Variants in ASB2 observed in about 807,000 individuals in gnomAD.
The protein encoded by ASB2 is ankyrin repeat and SOCS box containing 2.
A neutral mutation model predicts 62.4 loss-of-function variants in ASB2; 58 were observed. That is an observed-to-expected ratio of 0.93 (90% CI 0.75 to 1.16). The LOEUF (loss-of-function observed/expected upper bound fraction) is 1.16. ASB2 is among the 50% of genes most tolerant of loss of function. ASB2 has a pLI of 0.00. For synonymous variants in ASB2, 386 were observed against 385.3 expected, an observed-to-expected ratio of 1.00 and a Z score of -0.02; for missense variants, 928 against 887.9, an observed-to-expected ratio of 1.05 and a Z score of -0.57.
At chr14:93,942,117 C>T in intron 7 of ASB2, 1 of 453,526 alleles carries the variant, frequency 2.2e-6, no homozygotes, top group South Asian at 1.6e-5. Flanking sequence ...ACTCCTCTTC[C>T]CAGCCCATTT....
Position 93,964,403 on chromosome 14 carries a change from G to T in ASB2, c.137C>A (p.Pro46Gln). ...EQSLADKTRG[P>Q]TTAEATASAC... ...AGACGCGGTGGCCTCAGCAGTGGTTGGGCCCCTTGTCTTGTCCGCTAGGCT... is the reference window on the plus strand; with the variant it reads ...AGACGCGGTGGCCTCAGCAGTGGTTTGGCCCCTTGTCTTGTCCGCTAGGCT... The change falls in exon 2 of 10, where the codon CCA becomes CAA. Residue 46 changes from proline (P) to glutamine (Q), a missense_variant. Pro to Gln is a moderately conservative substitution (Grantham distance 76, BLOSUM62 -1). Coordinates refer to ENST00000555019, the MANE Select transcript of ASB2 (RefSeq NM_001202429.2). 1.3e-6 allele frequency: 2 copies of T among 1,536,078 alleles called. No individual in the cohort carries two copies. The highest frequency in any genetic ancestry group is 2.0e-5 in the Admixed American group (1 of 51,004).
Position 93,951,061 on chromosome 14 carries a change from G to C in ASB2, c.818C>G (p.Thr273Ser), listed in dbSNP as rs533914465. Residue 273 changes from threonine to serine, a missense_variant, in exon 6 of 10, where the codon ACC (threonine) becomes AGC (serine). Transcript: ENST00000555019. ...ACTCTGGGCGGCCACGAACAAGGGG[G>C]TGATGCCGTAGGCGTTCTTGGATTC... ...KVESKNAYGITPLFVAAQSGQ... is the reference protein window; with the variant it reads ...KVESKNAYGISPLFVAAQSGQ... 24 of 1,614,202 alleles carry C rather than the reference G, an allele frequency of 1.5e-5. No individual in the cohort carries two copies. The South Asian group carries it at 2.0e-4, about 13-fold the overall frequency.
Position 93,956,849 on chromosome 14 carries a change from ACT to A in ASB2, c.226_227del (p.Ser76PhefsTer42). ...PWTRSTAPPE[S>X]SPARAPMGLF... is the part of the protein sequence containing the mutation. ...AGCCCATTGGGGCCCGGGCCGGCGAACTCTCAGGAGGTGCAGTGGACCTGGAG... is the reference window on the plus strand; with the variant it reads ...AGCCCATTGGGGCCCGGGCCGGCGAACTCAGGAGGTGCAGTGGACCTGGAG... On this transcript the variant is annotated frameshift_variant, in exon 3 of 10. Coordinates refer to ENST00000555019, the MANE Select transcript of ASB2 (RefSeq NM_001202429.2). LOFTEE classifies it high-confidence loss of function. 6.2e-7 allele frequency: 1 copy of A among 1,614,172 alleles called. No individual in the cohort carries two copies. Among genetic ancestry groups the A allele is most frequent in the Non-Finnish European group, 8.5e-7 (1 of 1,180,024 alleles).
Position 93,939,407 on chromosome 14 carries a change from C to T in ASB2, c.1318G>A (p.Asp440Asn). Residue 440 changes from aspartate (D) to asparagine (N), a missense_variant, in exon 8 of 10, where the codon GAC becomes AAC. Physicochemically the swap from Asp to Asn is conservative, Grantham distance 23 (BLOSUM62 1). Coordinates refer to ENST00000555019, the MANE Select transcript of ASB2 (RefSeq NM_001202429.2). ...LLQHGADPNR[D>N]VISPLLVAIR... ...GCCACGAGCAAGGGGCTGATGACGTCGCGGTTGGGGTCGGCGCCGTGTTGC... is the reference window on the plus strand; with the variant it reads ...GCCACGAGCAAGGGGCTGATGACGTTGCGGTTGGGGTCGGCGCCGTGTTGC... The T allele has an allele frequency of 6.2e-7, 1 of 1,612,864 alleles. No homozygotes were observed. The highest frequency in any genetic ancestry group is 8.5e-7 in the Non-Finnish European group (1 of 1,179,844).
At chr14:93,951,378 C>CTTG in intron 5 of ASB2, 134 bp from the exon 6 acceptor site, 1 of 1,093,618 alleles carries the variant, frequency 9.1e-7, no homozygotes, top group Non-Finnish European at 1.3e-6. Context: ...AGTTCCAATC[C>CTTG]CTGCATTGAA....
At position 93,939,578 on chromosome 14, in the gene ASB2, C is replaced by A; in HGVS notation, c.1147G>T (p.Glu383Ter). The A allele has an allele frequency of 6.3e-7, 1 of 1,583,794 alleles. No homozygotes were observed. Among genetic ancestry groups the A allele is most frequent in the Non-Finnish European group, 8.6e-7 (1 of 1,169,340 alleles). ...LHLAAERNHD[E>*]VLEALLSARF... is the part of the protein sequence containing the mutation. ...GCGCTCAGCAGCGCCTCCAGCACCTCGTCGTGGTTGCGCTCGGCCGCCAGG... is the reference window on the plus strand; with the variant it reads ...GCGCTCAGCAGCGCCTCCAGCACCTAGTCGTGGTTGCGCTCGGCCGCCAGG... The change falls in exon 8 of 10, where the codon GAG becomes TAG. Residue 383 changes from glutamate (E) to a stop codon, truncating the protein, a stop_gained. Coordinates refer to ENST00000555019, the MANE Select transcript of ASB2 (RefSeq NM_001202429.2). LOFTEE classifies it high-confidence loss of function.
At chr14:93,960,160 G>A (rs1889358928) in intron 2 of ASB2, among the ~76,000 whole-genome samples, 1 of 152,148 alleles carries the variant, frequency 6.6e-6, no homozygotes, top group Non-Finnish European at 1.5e-5. Context: ...AGAGAACTGA[G>A]GCTCAAAGAG....
At chr14:93,964,024 A>T (rs1889495832) in intron 2 of ASB2, among the ~76,000 whole-genome samples, 1 of 152,156 alleles carries the variant, frequency 6.6e-6, no homozygotes, top group Non-Finnish European at 1.5e-5. Flanking sequence ...AGCATTATCT[A>T]CTGGCTATGT....
chr14:93,935,955 C>G (rs944260802), intron 9 of ASB2, among the ~76,000 whole-genome samples: 1 of 152,206 alleles, frequency 6.6e-6, no homozygotes, highest in Non-Finnish European at 1.5e-5. Flanking sequence ...CACAGAAGGT[C>G]TTGAATATAT....
intron 2 of ASB2, 193 bp from the exon 3 acceptor site, chr14:93,957,063 T>A: frequency 1.4e-6 from 2 of 1,465,214 alleles, no homozygotes; most frequent in East Asian, 4.9e-5. Context: ...CGGATTATTT[T>A]TGGCCCTTGG....
chr14:93,935,360 G>A (rs776228407), intron 9 of ASB2, among the ~76,000 whole-genome samples: 1 of 152,252 alleles, frequency 6.6e-6, no homozygotes. Flanking sequence ...GTGGGTAGAG[G>A]TAAGAGCAGG....
At chr14:93,939,824 G>A (rs1288870685) in intron 7 of ASB2, 152 bp from the exon 8 acceptor site, 1 of 565,902 alleles carries the variant, frequency 1.8e-6, no homozygotes, top group Non-Finnish European at 2.9e-6. Flanking sequence ...GGGGCGCCGC[G>A]GGTCAACCAT....
intron 1 of ASB2, among the ~76,000 whole-genome samples, chr14:93,971,010 C>T (rs2141322008): frequency 6.6e-6 from 1 of 152,344 alleles, no homozygotes. Context: ...GTGAAACAGC[C>T]TAAACCTGTT....
chr14:93,942,233 A>T, intron 7 of ASB2: 2 of 456,108 alleles, frequency 4.4e-6, no homozygotes, highest in Non-Finnish European at 8.8e-6. Flanking sequence ...TAATTGCTCA[A>T]GCGGCACCTC....
At chr14:93,956,487 C>A (rs1215132206) in intron 3 of ASB2, among the ~76,000 whole-genome samples, 1 of 152,032 alleles carries the variant, frequency 6.6e-6, no homozygotes, top group Non-Finnish European at 1.5e-5. Context: ...CCATGGGGCT[C>A]CTCCAGCACT....
intron 7 of ASB2, among the ~76,000 whole-genome samples, chr14:93,943,138 A>G (rs1888593524): frequency 6.6e-6 from 1 of 152,238 alleles, no homozygotes; most frequent in Non-Finnish European, 1.5e-5. Context: ...GTTACAAAGC[A>G]CAATGTAATG....
At chr14:93,944,051 T>G (rs1296053094) in intron 7 of ASB2, 13 of 455,740 alleles carry the variant, frequency 2.9e-5, no homozygotes, top group Non-Finnish European at 5.7e-5. Context: ...AAGATCCTGA[T>G]TCTCTACCCA....
At chr14:93,940,383 T>G (rs550610820) in intron 7 of ASB2, 1 of 152,334 alleles carries the variant, frequency 6.6e-6, no homozygotes, top group Admixed American at 6.5e-5. Context: ...AGTCATACAG[T>G]CAGAATAGGG....
Position 93,953,420 on chromosome 14 carries a change from A to C in ASB2, c.566T>G (p.Leu189Arg), listed in dbSNP as rs750952101. 6.2e-7 allele frequency: 1 copy of C among 1,608,950 alleles called. No individual in the cohort carries two copies. The highest frequency in any genetic ancestry group is 1.1e-5 in the South Asian group (1 of 90,806). ...CTCTGCCCCTGCTTGGAGCAGTGAC[A>C]GGAGACAGTCCAGGTGGCCCCTGCA... Reference protein sequence around the residue: ...ATCRGHLDCLLSLLQAGAEPD... With the variant: ...ATCRGHLDCLRSLLQAGAEPD... Residue 189 changes from leucine (L) to arginine (R), a missense_variant, in exon 5 of 10, where the codon CTG becomes CGG. By Grantham distance (102) the Leu-to-Arg change is moderately radical. Transcript: ENST00000555019.
Sources: gnomAD v4.1 joint callset for allele counts (sites outside exome capture counted in the v4.1 genomes callset) on GRCh38, gnomAD v4.1.1 for gene constraint, MANE v1.5 for transcripts, NCBI Gene and HGNC (gene_info 2026-07-23, HGNC 2026-07-21) for gene names.